The following DCUN1D5 variants were observed in gnomAD, a reference collection of about 807,000 sequenced individuals.
The protein encoded by DCUN1D5 is DCN1-like protein 5.
Under a neutral mutation model 38.3 loss-of-function variants are expected in DCUN1D5, and 10 were observed. The ratio of observed to expected loss-of-function variants is 0.26; its 90% confidence interval spans 0.16 to 0.44. DCUN1D5 has a LOEUF of 0.44. Ranked by LOEUF, DCUN1D5 falls within the 20% of genes least tolerant of loss-of-function variation. The pLI is 1.00. For synonymous variants in DCUN1D5, 93 were observed against 90.9 expected, an observed-to-expected ratio of 1.02 and a Z score of -0.13; for missense variants, 148 against 275.3, an observed-to-expected ratio of 0.54 and a Z score of 3.27.
rs531039552 is a variant in DCUN1D5, at chr11:103,059,928, G to A, written c.*2431C>T. ...TGAAAATTTTACAACAGGGTTCGTGGGAAGGCACTTAAAGCTAACTAGTCA... is the reference window on the plus strand; with the variant it reads ...TGAAAATTTTACAACAGGGTTCGTGAGAAGGCACTTAAAGCTAACTAGTCA... On this transcript the variant is annotated 3_prime_UTR_variant, in exon 8 of 8. Coordinates refer to ENST00000260247, the MANE Select transcript of DCUN1D5 (RefSeq NM_032299.4). Among the ~76,000 whole-genome samples, 4 of 152,168 alleles carry A rather than the reference G, an allele frequency of 2.6e-5. No homozygotes were observed. In the South Asian group the frequency reaches 8.3e-4, roughly 32 times the overall value.
rs1861905221 is a variant in DCUN1D5, at chr11:103,057,618, GTTGACGCACGAGAATCTC to G, written c.*4723_*4740del. Among the ~76,000 whole-genome samples the G allele has an allele frequency of 6.6e-6, 1 of 151,922 alleles. No individual in the cohort carries two copies. The highest frequency in any genetic ancestry group is 2.4e-5 in the African/African-American group (1 of 41,344). ...ATCTGTAATCCCAGCTACTTGGGAG[GTTGACGCACGAGAATCTC>G]TTGAACCCAGGAGGTCGAGGCTGCA... On this transcript the variant is annotated 3_prime_UTR_variant, in exon 8 of 8. Transcript: ENST00000260247. The surrounding 1 kb of genome is among the most constrained non-coding windows in gnomAD (Gnocchi z 4.8).
At chr11:103,068,369 A>G (rs1862186807) in intron 4 of DCUN1D5, among the ~76,000 whole-genome samples, 1 of 152,184 alleles carries the variant, frequency 6.6e-6, no homozygotes, top group Non-Finnish European at 1.5e-5. Context: ...CCATAAAGAT[A>G]TGCAGGTGAA....
chr11:103,072,670 A>AC (rs1214229284), intron 4 of DCUN1D5, among the ~76,000 whole-genome samples: 1 of 150,210 alleles, frequency 6.7e-6, no homozygotes, highest in Non-Finnish European at 1.5e-5. Flanking sequence ...ACAGAAAACC[A>AC]AACACTGCAT....
intron 4 of DCUN1D5, among the ~76,000 whole-genome samples, chr11:103,075,496 C>T (rs1279616314): frequency 6.6e-6 from 1 of 152,144 alleles, no homozygotes; most frequent in Non-Finnish European, 1.5e-5. Flanking sequence ...ATTCTTCTGC[C>T]TCACCCTCCC....
intron 4 of DCUN1D5, among the ~76,000 whole-genome samples, chr11:103,082,244 A>G (rs550857721): frequency 2.0e-5 from 3 of 152,236 alleles, no homozygotes; most frequent in African/African-American, 4.8e-5. Context: ...ATTGCACGGG[A>G]GCAGTTACAA....
chr11:103,055,910 A>G lies in DCUN1D5; in HGVS notation c.*6449T>C, dbSNP rs1249239944. On this transcript the variant is annotated 3_prime_UTR_variant, in exon 8 of 8. Coordinates refer to ENST00000260247, the MANE Select transcript of DCUN1D5 (RefSeq NM_032299.4). ...ATAACATATCCAAAAGTAAACTCTC[A>G]ATCTACCCGCTTAAGCCTGCTCCTC... 6.6e-6 allele frequency: 1 copy of G among 152,130 alleles called. No homozygotes were observed. Among genetic ancestry groups the G allele is most frequent in the Non-Finnish European group, 1.5e-5 (1 of 68,016 alleles). 9.4% of individuals were successfully genotyped at this position (152,130 alleles called of 1,614,324 possible). A position where few individuals can be genotyped will look rare whatever the true frequency, so the allele number is the denominator to read the frequency against.
chr11:103,082,529 G>A (rs1227844743), intron 4 of DCUN1D5, among the ~76,000 whole-genome samples: 1 of 151,888 alleles, frequency 6.6e-6, no homozygotes, highest in Admixed American at 6.5e-5. Flanking sequence ...AATTTTAATA[G>A]GACTGTACTA....
chr11:103,081,557 A>G (rs919042493), intron 4 of DCUN1D5, among the ~76,000 whole-genome samples: 1 of 152,206 alleles, frequency 6.6e-6, no homozygotes, highest in Non-Finnish European at 1.5e-5. Flanking sequence ...ATTTATATAG[A>G]AAGTAGGAAT....
chr11:103,068,219 T>C (rs762342231), intron 4 of DCUN1D5, among the ~76,000 whole-genome samples: 7 of 152,212 alleles, frequency 4.6e-5, no homozygotes, highest in Non-Finnish European at 1.0e-4. Context: ...TAATTTAATA[T>C]AGTATTTAAG....
rs967953925 is a variant in DCUN1D5, at chr11:103,071,418, A to T, written c.342-4851T>A. ...CATATACAATGTATGATAGTAAGGG[A>T]TCACAATGAACAACTCTCTACACAC... On this transcript the variant is annotated intron_variant, in intron 4 of 7. Transcript: ENST00000260247. The surrounding 1 kb of genome is among the most constrained non-coding windows in gnomAD (Gnocchi z 4.1). 6.6e-6 allele frequency among the ~76,000 whole-genome samples: 1 copy of T among 151,860 alleles called. No homozygotes were observed. Among genetic ancestry groups the T allele is most frequent in the Non-Finnish European group, 1.5e-5 (1 of 67,884 alleles).
rs762666620 is a variant in DCUN1D5 at position 103,091,853 on chromosome 11, CTCT to C, written c.17_19del (p.Lys6del). The C allele has an allele frequency of 1.2e-6, 2 of 1,613,842 alleles. No homozygotes were observed. The highest frequency in any genetic ancestry group is 8.5e-7 in the Non-Finnish European group (1 of 1,179,838). On this transcript the variant is annotated inframe_deletion, in exon 1 of 8. Transcript: ENST00000260247. This position sits in a 1 kb window ranked among gnomAD's most constrained non-coding sequence, Gnocchi z 4.3. Reference sequence around the variant, plus strand: ...TGCTGCTGCCACCCCAGGGGATTTTCTCTTCTTCTTCACCGGCATCTTCCGCCC... The same window carrying C: ...TGCTGCTGCCACCCCAGGGGATTTTCTCTTCTTCACCGGCATCTTCCGCCC...
At chr11:103,079,250 T>C (rs944592458) in intron 4 of DCUN1D5, among the ~76,000 whole-genome samples, 185 of 152,238 alleles carry the variant, frequency 1.2e-3, no homozygotes, top group African/African-American at 4.3e-3. Flanking sequence ...ATGGTAAAAC[T>C]GTCTTCTACG....
Position 103,075,570 on chromosome 11 carries a change from C to T in DCUN1D5, c.341+7178G>A, listed in dbSNP as rs141136905. On this transcript the variant is annotated intron_variant, in intron 4 of 7. Transcript: ENST00000260247. ...CTAATTTTTGTATTTTTAGTAGAGACGGGGTTTCACCAAGTCAGCAAGGCT... is the reference window on the plus strand; with the variant it reads ...CTAATTTTTGTATTTTTAGTAGAGATGGGGTTTCACCAAGTCAGCAAGGCT... Among the ~76,000 whole-genome samples, 1,069 of 152,198 alleles carry T rather than the reference C, an allele frequency of 7.0e-3. 9 individuals are homozygous for T. Among genetic ancestry groups the T allele is most frequent in the African/African-American group, 0.024 (1,009 of 41,516 alleles).
intron 4 of DCUN1D5, among the ~76,000 whole-genome samples, chr11:103,072,207 C>T (rs935443187): frequency 2.0e-5 from 3 of 151,862 alleles, no homozygotes; most frequent in Non-Finnish European, 4.4e-5. Context: ...AGTTCTAGCT[C>T]ATGTAATAAG....
In DCUN1D5 at chr11:103,065,691, T is replaced by C. The variant is rs1005679099; in HGVS notation, c.555+578A>G. ...ATCTTCTTAGAATCACTGCCTATAG[T>C]AGTTGCTATGATAAACCTTCTAAAA... On this transcript the variant is annotated intron_variant, in intron 6 of 7. Coordinates refer to ENST00000260247, the MANE Select transcript of DCUN1D5 (RefSeq NM_032299.4). This position sits in a 1 kb window ranked among gnomAD's most constrained non-coding sequence, Gnocchi z 4.6. 2.6e-5 allele frequency among the ~76,000 whole-genome samples: 4 copies of C among 152,028 alleles called. No homozygotes were observed. The highest frequency in any genetic ancestry group is 7.2e-5 in the African/African-American group (3 of 41,422).
chr11:103,084,626 A>G (rs2134633260), intron 2 of DCUN1D5, among the ~76,000 whole-genome samples: 1 of 152,352 alleles, frequency 6.6e-6, no homozygotes, highest in South Asian at 2.1e-4. Flanking sequence ...CATATACAAT[A>G]AAGGTGTTAA....
At position 103,063,182 on chromosome 11, in the gene DCUN1D5, T is replaced by C. The variant is rs1287997362; in HGVS notation, c.659-768A>G. Among the ~76,000 whole-genome samples, 1 of 152,126 alleles carries C rather than the reference T, an allele frequency of 6.6e-6. No individual in the cohort carries two copies. Among genetic ancestry groups the C allele is most frequent in the Non-Finnish European group, 1.5e-5 (1 of 67,974 alleles). ...CTGAAAAACAGCCTAGGTGTTGGCA[T>C]ACCATGAACTGTCAAACTGAAAAGC... On this transcript the variant is annotated intron_variant, in intron 7 of 7. Transcript: ENST00000260247. The surrounding 1 kb of genome is among the most constrained non-coding windows in gnomAD (Gnocchi z 4.6).
chr11:103,063,351 T>G lies in DCUN1D5; in HGVS notation c.658+924A>C, dbSNP rs1187551061. Among the ~76,000 whole-genome samples, 1 of 152,134 alleles carries G rather than the reference T, an allele frequency of 6.6e-6. No individual in the cohort carries two copies. The highest frequency in any genetic ancestry group is 1.9e-4 in the East Asian group (1 of 5,202). On this transcript the variant is annotated intron_variant, in intron 7 of 7. Transcript: ENST00000260247. This position sits in a 1 kb window ranked among gnomAD's most constrained non-coding sequence, Gnocchi z 4.6. Reference sequence around the variant, plus strand: ...TACAAAATCTCCTAGTTTTAAATGCTGATACAAAATACATAAATATACACA... The same window carrying G: ...TACAAAATCTCCTAGTTTTAAATGCGGATACAAAATACATAAATATACACA...
rs553021698 is a variant in DCUN1D5, at chr11:103,058,364, C to T, written c.*3995G>A. On this transcript the variant is annotated 3_prime_UTR_variant, in exon 8 of 8. Coordinates refer to ENST00000260247, the MANE Select transcript of DCUN1D5 (RefSeq NM_032299.4). ...AAGGTGGACACAGCAAATGTATGAT[C>T]GATCAGTTTTAAGACTGTTTTTAAA... 7.6e-4 allele frequency among the ~76,000 whole-genome samples: 116 copies of T among 152,248 alleles called. 1 individual carries two copies. Among genetic ancestry groups the T allele is most frequent in the African/African-American group, 5.1e-4 (21 of 41,548 alleles).
Sources: allele counts gnomAD v4.1 joint callset (sites outside exome capture counted in the v4.1 genomes callset), GRCh38; gene constraint gnomAD v4.1.1; non-coding constraint Gnocchi (gnomAD v3.1); transcripts MANE v1.5; gene names NCBI Gene and HGNC (gene_info 2026-07-23, HGNC 2026-07-21).